Variants in LIPM observed in about 807,000 individuals in gnomAD.
LIPM encodes lipase member M.
Under a neutral mutation model 42.4 loss-of-function variants are expected in LIPM, and 42 were observed. That is an observed-to-expected ratio of 0.99 (90% CI 0.77 to 1.28). The LOEUF is 1.28. LIPM is among the 50% of genes most tolerant of loss of function. The probability of loss-of-function intolerance (pLI) is 0.00; values close to 1 mark genes in which losing one functional copy is unlikely to be tolerated. For missense variants in LIPM, 524 were observed against 520.1 expected, an observed-to-expected ratio of 1.01 and a Z score of -0.07; for synonymous variants, 177 against 173.3, an observed-to-expected ratio of 1.02 and a Z score of -0.17.
rs1357530668 is a variant in LIPM, at chr10:88,815,391, C to T, written c.746C>T (p.Thr249Ile). The T allele has an allele frequency of 6.4e-7, 1 of 1,551,484 alleles. No individual in the cohort carries two copies. The highest frequency in any genetic ancestry group is 8.7e-7 in the Non-Finnish European group (1 of 1,146,878). ...LFGKKEFLYQ[T>I]RFLRQLVIYL... ...GGCAAAAAAGAATTTCTGTATCAGA[C>T]CAGATTTCTCAGACAACTTGTTATT... Residue 249 changes from threonine to isoleucine, a missense_variant, in exon 6 of 9, where the codon ACC (threonine) becomes ATC (isoleucine). Transcript: ENST00000404743.
At position 88,808,321 on chromosome 10, in the gene LIPM, C is replaced by T; in HGVS notation, c.171C>T (p.Gly57=). ...AGAGTGAAATCATCCAACATCAAGG[C>T]TATCCCTGTGAGGAATATGAAGTCG... ...MNISEIIQHQ[G]YPCEEYEVAT... is the part of the protein sequence containing the mutation. Residue 57 remains glycine (G), a synonymous_variant, in exon 2 of 9, where the codon GGC becomes GGT. Transcript: ENST00000404743. The T allele has an allele frequency of 1.3e-6, 2 of 1,548,112 alleles. No homozygotes were observed. The highest frequency in any genetic ancestry group is 2.7e-5 in the African/African-American group (2 of 73,074).
intron 2 of LIPM, among the ~76,000 whole-genome samples, chr10:88,812,735 A>G (rs1477177582): frequency 1.3e-5 from 2 of 152,224 alleles, no homozygotes; most frequent in African/African-American, 2.4e-5. Flanking sequence ...ATATACCTTA[A>G]TAATCATACT....
chr10:88,814,943 TGTCATAA>T, intron 4 of LIPM, 138 bp from the exon 5 acceptor site: 1 of 717,038 alleles, frequency 1.4e-6, no homozygotes, highest in African/African-American at 1.8e-5. Context: ...AATATGCTGG[TGTCATAA>T]GGACCTTATA....
At chr10:88,817,744 C>A (rs1461222954) in intron 7 of LIPM, 81 bp from the exon 8 acceptor site, 2 of 911,514 alleles carry the variant, frequency 2.2e-6, no homozygotes, top group Non-Finnish European at 3.5e-6. Flanking sequence ...TGAGTGCACA[C>A]TGGGTAGCAC....
chr10:88,820,238 C>T lies in LIPM; in HGVS notation c.1009C>T (p.Pro337Ser). The T allele has an allele frequency of 6.4e-7, 1 of 1,550,420 alleles. No individual in the cohort carries two copies. Among genetic ancestry groups the T allele is most frequent in the Non-Finnish European group, 8.7e-7 (1 of 1,146,618 alleles). ...AACTATTCCTTTTCTCTAGCCAACT[C>T]CTGTAAGGTACAGAGTCAGAGATAT... ...KNLEKCNQPT[P>S]VRYRVRDMTV... Residue 337 changes from proline (P) to serine (S), a missense_variant, in exon 9 of 9, where the codon CCT (proline) becomes TCT (serine). Transcript: ENST00000404743.
intron 2 of LIPM, among the ~76,000 whole-genome samples, chr10:88,811,152 G>A (rs1181131488): frequency 6.6e-6 from 1 of 152,160 alleles, no homozygotes; most frequent in Non-Finnish European, 1.5e-5. Context: ...CTGCATGTGT[G>A]TTTGGTGCCC....
rs978532684 is a variant in LIPM, at chr10:88,817,686, C to G, written c.931-139C>G. On this transcript the variant is annotated intron_variant, in intron 7 of 8. Coordinates refer to ENST00000404743, the MANE Select transcript of LIPM (RefSeq NM_001128215.1). The stretch of plus-strand genomic sequence containing the variant: ...TACCATTTTCCTGAGACGCTTATCC[C>G]AACATTGAATGGAAGAGCAGCTCAA... The G allele has an allele frequency of 2.0e-5, 12 of 595,728 alleles. No individual in the cohort carries two copies. In the African/African-American group the frequency reaches 2.2e-4, roughly 11 times the overall value. 36.9% of individuals were successfully genotyped at this position (595,728 alleles called of 1,614,324 possible). A position where few individuals can be genotyped will look rare whatever the true frequency, so the allele number is the denominator to read the frequency against.
Position 88,820,508 on chromosome 10 carries a change from T to G in LIPM, c.*7T>G. The G allele has an allele frequency of 6.5e-7, 1 of 1,547,856 alleles. No individual in the cohort carries two copies. The highest frequency in any genetic ancestry group is 8.7e-7 in the Non-Finnish European group (1 of 1,145,824). On this transcript the variant is annotated 3_prime_UTR_variant, in exon 9 of 9. Transcript: ENST00000404743. ...GTGTGAGGCCGTATTGTGAAGCATC[T>G]GACACTGACGATCTTAGGACAACCT...
chr10:88,813,365 C>T, intron 3 of LIPM, 70 bp downstream of exon 3: 1 of 1,266,982 alleles, frequency 7.9e-7, no homozygotes, highest in South Asian at 1.6e-5. Flanking sequence ...AAAATTACGG[C>T]TTCTAGTATT....
chr10:88,806,741 G>C (rs1843593054), intron 1 of LIPM, among the ~76,000 whole-genome samples: 1 of 152,112 alleles, frequency 6.6e-6, no homozygotes, highest in African/African-American at 2.4e-5. Context: ...TTGGAGTGCA[G>C]TGGCGCGATC....
intron 1 of LIPM, among the ~76,000 whole-genome samples, chr10:88,804,432 T>G (rs1843563012): frequency 6.6e-6 from 1 of 152,022 alleles, no homozygotes; most frequent in Admixed American, 6.5e-5. Context: ...AAATAGAAAA[T>G]TCGTACGATT....
intron 3 of LIPM, 36 bp from the exon 4 acceptor site, chr10:88,814,494 T>C (rs1843693777): frequency 2.1e-6 from 3 of 1,431,858 alleles, no homozygotes; most frequent in Non-Finnish European, 2.9e-6. Flanking sequence ...TTTCTGATTA[T>C]AATTTTTCAT....
intron 7 of LIPM, 21 bp downstream of exon 7, chr10:88,816,908 G>A (rs1564599036): frequency 6.5e-7 from 1 of 1,534,008 alleles, no homozygotes. Flanking sequence ...TGAATTTGCA[G>A]TCTTTGCTAA....
intron 2 of LIPM, among the ~76,000 whole-genome samples, chr10:88,809,593 A>C (rs1843629341): frequency 6.6e-6 from 1 of 152,196 alleles, no homozygotes; most frequent in Admixed American, 6.5e-5. Flanking sequence ...ACTTGCCCAA[A>C]ACGTCTGTGC....
At chr10:88,816,603 G>T (rs1013140035) in intron 6 of LIPM, among the ~76,000 whole-genome samples, 3 of 152,086 alleles carry the variant, frequency 2.0e-5, no homozygotes, top group African/African-American at 7.2e-5. Context: ...TCTCTGATGA[G>T]AACCTATTCT....
At chr10:88,820,182 C>G (rs540802940) in intron 8 of LIPM, 50 bp from the exon 9 acceptor site, 1 of 1,424,958 alleles carries the variant, frequency 7.0e-7, no homozygotes, top group African/African-American at 1.4e-5. Context: ...AAATTATGAG[C>G]CTGAAAGTCC....
chr10:88,818,485 C>T (rs1026751510), intron 8 of LIPM, among the ~76,000 whole-genome samples: 1 of 152,184 alleles, frequency 6.6e-6, no homozygotes, highest in Non-Finnish European at 1.5e-5. Context: ...AATGTTATTA[C>T]ATTACCCAAG....
rs969990286 is a variant in LIPM, at chr10:88,815,204, C to T, written c.691C>T (p.Leu231=). The T allele has an allele frequency of 9.7e-6, 15 of 1,551,890 alleles. No individual in the cohort carries two copies. Among genetic ancestry groups the T allele is most frequent in the Non-Finnish European group, 1.3e-5 (15 of 1,147,016 alleles). Reference sequence around the variant, plus strand: ...AAGCCCCGGGACCAAATTTTTGTTGCTGCCAGATATGATGATCAAGGTATG... The same window carrying T: ...AAGCCCCGGGACCAAATTTTTGTTGTTGCCAGATATGATGATCAAGGTATG... ...AKSPGTKFLL[L]PDMMIKGLFG... is the part of the protein sequence containing the mutation. Residue 231 remains leucine, a synonymous_variant, in exon 5 of 9, where the codon CTG becomes TTG. Transcript: ENST00000404743.
At chr10:88,806,003 C>G (rs1327632647) in intron 1 of LIPM, 3 of 456,570 alleles carry the variant, frequency 6.6e-6, no homozygotes, top group Non-Finnish European at 1.3e-5. Flanking sequence ...AGACCGCAAA[C>G]AGGTCAGTCA....
Sources: allele counts gnomAD v4.1 joint callset (sites outside exome capture counted in the v4.1 genomes callset), GRCh38; gene constraint gnomAD v4.1.1; transcripts MANE v1.5; gene names NCBI Gene and HGNC (gene_info 2026-07-23, HGNC 2026-07-21).